Variants in IAH1 observed in about 807,000 individuals in gnomAD.
IAH1 encodes isoamyl acetate-hydrolyzing esterase 1 homolog.
IAH1 carries 24 observed loss-of-function variants against 26.7 expected under a neutral mutation model. The observed-to-expected ratio is 0.90, with a 90% CI of 0.65 to 1.26. The LOEUF is 1.26. Ranked by LOEUF, IAH1 falls within the 50% of genes most tolerant of loss-of-function variation. The pLI is 0.00. For synonymous variants in IAH1, 140 were observed against 118.5 expected (o/e 1.18, Z -1.18); for missense variants, 300 against 299.9 (o/e 1.00, Z 0.00).
At chr2:9,488,043 C>A in intron 5 of IAH1, 104 bp from the exon 6 acceptor site, 2 of 780,616 alleles carry the variant, frequency 2.6e-6, no homozygotes, top group East Asian at 2.8e-5. Context: ...GGGTCTCAAA[C>A]TCCTGTCTTC....
the IAH1 span, chr2:9,507,001 G>A: frequency 1.3e-4 from 20 of 152,134 alleles, no homozygotes; most frequent in African/African-American, 4.6e-4. Flanking sequence ...TTCCTAAGAA[G>A]TTACAATCTC....
the IAH1 span, among the ~76,000 whole-genome samples, chr2:9,502,879 CAAAA>C: frequency 2.3e-5 from 1 of 43,604 alleles, no homozygotes; most frequent in South Asian, 1.1e-3. Flanking sequence ...AATTCTGTCT[CAAAA>C]AAAAAAAAAA....
At chr2:9,498,482 C>T (rs1399254951), downstream of IAH1, among the ~76,000 whole-genome samples, 1 of 152,206 alleles carries the variant, frequency 6.6e-6, no homozygotes, top group African/African-American at 2.4e-5. Context: ...AAGCAATGGA[C>T]TATATATCCA....
At position 9,489,157 on chromosome 2, in the gene IAH1, T is replaced by TTTTTTG. The variant is rs113691871; in HGVS notation, c.*830_*831insTTTGTT. On this transcript the variant is annotated 3_prime_UTR_variant, in exon 6 of 6. Transcript: ENST00000497473. ...ATCACATTCAAAACAACCTGTTTTT[T>TTTTTTG]TTGTTGTTGTTGTTGTTAAGAAATA... 5 of 146,244 alleles carry TTTTTTG rather than the reference T, an allele frequency of 3.4e-5. No homozygotes were observed. Among genetic ancestry groups the TTTTTTG allele is most frequent in the Non-Finnish European group, 6.2e-5 (4 of 64,870 alleles). The allele number at this position is 146,244 out of a possible 1,614,324, so 9.1% of individuals were successfully genotyped here. A position where few individuals can be genotyped will look rare whatever the true frequency, so the allele number is the denominator to read the frequency against.
At chr2:9,501,921 G>A in the IAH1 span, among the ~76,000 whole-genome samples, 1 of 151,906 alleles carries the variant, frequency 6.6e-6, no homozygotes, top group Non-Finnish European at 1.5e-5. Flanking sequence ...CACATATCCA[G>A]GCAAATATTA....
At chr2:9,486,766 T>C (rs1271226987) in intron 5 of IAH1, 2 of 151,136 alleles carry the variant, frequency 1.3e-5, no homozygotes, top group East Asian at 1.9e-4. Context: ...GAGGCAGAGG[T>C]TGAATTAGGC....
the IAH1 span, among the ~76,000 whole-genome samples, chr2:9,507,374 C>T: frequency 6.6e-6 from 1 of 152,034 alleles, no homozygotes; most frequent in African/African-American, 2.4e-5. Context: ...TGGTGGCATG[C>T]ACCTGTAACC....
intron 4 of IAH1, among the ~76,000 whole-genome samples, chr2:9,484,064 G>A (rs1469984446): frequency 6.6e-6 from 1 of 152,150 alleles, no homozygotes; most frequent in Non-Finnish European, 1.5e-5. Context: ...TCCTACTAGT[G>A]CAGCCCTTAC....
Position 9,474,917 on chromosome 2 carries a change from C to T in IAH1, c.81+270C>T, listed in dbSNP as rs1682387725. 9 of 726,442 alleles carry T rather than the reference C, an allele frequency of 1.2e-5. No individual in the cohort carries two copies. The highest frequency in any genetic ancestry group is 4.5e-5 in the South Asian group (1 of 22,438). 45.0% of individuals were successfully genotyped at this position (726,442 alleles called of 1,614,324 possible). ...CCCGGCCGCGCTGCCCGCCCCGCGC[C>T]GCCTCCCACCCGGGTCGAGATGCGC... is the stretch of plus-strand genomic sequence containing the variant. On this transcript the variant is annotated intron_variant, in intron 1 of 5. Coordinates refer to ENST00000497473, the MANE Select transcript of IAH1 (RefSeq NM_001039613.3). The surrounding 1 kb of genome is among the most constrained non-coding windows in gnomAD (Gnocchi z 4.3).
At chr2:9,480,006 C>T (rs928790102) in intron 3 of IAH1, among the ~76,000 whole-genome samples, 5 of 151,474 alleles carry the variant, frequency 3.3e-5, no homozygotes, top group African/African-American at 1.2e-4. Context: ...ACAGGGTTTC[C>T]CCATGTTGGT....
At chr2:9,504,593 C>T in the IAH1 span, among the ~76,000 whole-genome samples, 1,381 of 151,954 alleles carry the variant, frequency 9.1e-3, 59 homozygotes, top group East Asian at 0.099. Flanking sequence ...AGTGAAACCT[C>T]GTCTCTACTA....
downstream of IAH1, among the ~76,000 whole-genome samples, chr2:9,498,295 G>C (rs192500142): frequency 6.1e-4 from 93 of 152,278 alleles, no homozygotes; most frequent in Admixed American, 1.8e-3. Context: ...GGCCTTCCAA[G>C]TGCTGGAATG....
Position 9,474,652 on chromosome 2 carries a change from G to A in IAH1, c.81+5G>A, listed in dbSNP as rs543844705. The A allele has an allele frequency of 1.3e-6, 2 of 1,543,016 alleles. No individual in the cohort carries two copies. Among genetic ancestry groups the A allele is most frequent in the Non-Finnish European group, 1.7e-6 (2 of 1,148,622 alleles). On this transcript the variant is annotated splice_donor_5th_base_variant and intron_variant, in intron 1 of 5. Coordinates refer to ENST00000497473, the MANE Select transcript of IAH1 (RefSeq NM_001039613.3). The surrounding 1 kb of genome is among the most constrained non-coding windows in gnomAD (Gnocchi z 4.3). ...TTCGGGGACTCCATCACCCAGGTAC[G>A]GCCGCCCCGACGCTCGGCCTCCCGC...
At chr2:9,483,631 T>C (rs1661309780) in intron 4 of IAH1, among the ~76,000 whole-genome samples, 1 of 152,110 alleles carries the variant, frequency 6.6e-6, no homozygotes, top group Non-Finnish European at 1.5e-5. Flanking sequence ...CAGCCCTCAC[T>C]GTCCTGTTTG....
chr2:9,509,903 G>A, the IAH1 span: 24 of 1,546,896 alleles, frequency 1.6e-5, no homozygotes, highest in Middle Eastern at 3.4e-4. Flanking sequence ...AATGGAATAC[G>A]TTTCTGAGCT....
chr2:9,504,581 G>A, the IAH1 span, among the ~76,000 whole-genome samples: 8 of 151,956 alleles, frequency 5.3e-5, no homozygotes, highest in Non-Finnish European at 8.8e-5. Context: ...CCTGGCCACC[G>A]TAGTGAAACC....
chr2:9,476,928 G>C (rs1249464881), intron 2 of IAH1, among the ~76,000 whole-genome samples: 2 of 152,168 alleles, frequency 1.3e-5, no homozygotes, highest in Non-Finnish European at 2.9e-5. Flanking sequence ...TGTCACACAG[G>C]CTTGAGTGCA....
chr2:9,490,617 G>C (rs1662054515), downstream of IAH1: 2 of 1,268,180 alleles, frequency 1.6e-6, no homozygotes, highest in South Asian at 1.5e-5. Flanking sequence ...TTATTCTGTT[G>C]GCACTGTGAT....
At chr2:9,494,494 A>G (rs189980707), downstream of IAH1, 2 of 938,068 alleles carry the variant, frequency 2.1e-6, no homozygotes, top group Non-Finnish European at 3.1e-6. Context: ...TTCTCCTCCT[A>G]AGTAATACCC....
Sources: allele counts gnomAD v4.1 joint callset (sites outside exome capture counted in the v4.1 genomes callset), GRCh38; gene constraint gnomAD v4.1.1; non-coding constraint Gnocchi (gnomAD v3.1); transcripts MANE v1.5; gene names NCBI Gene and HGNC (gene_info 2026-07-23, HGNC 2026-07-21).